HPCAL1: variants seen among roughly 807,000 people sequenced by gnomAD.
HPCAL1 encodes hippocalcin-like protein 1.
A neutral mutation model predicts 17.1 loss-of-function variants in HPCAL1; 8 were observed. The observed-to-expected ratio is 0.47, with a 90% CI of 0.27 to 0.84. HPCAL1 has a LOEUF of 0.84. Among genes scored for constraint, HPCAL1 ranks in the 40% least tolerant of loss-of-function variants. The pLI, the probability that HPCAL1 is intolerant of heterozygous loss-of-function variation, is 0.13. For synonymous variants in HPCAL1, 112 were observed against 111.4 expected (o/e 1.01, Z -0.03); for missense variants, 165 against 271.1 (o/e 0.61, Z 2.75).
At position 10,426,969 on chromosome 2, in the gene HPCAL1, C is replaced by A; in HGVS notation, c.*148C>A. Reference sequence around the variant, plus strand: ...TTGCACCTGCCCAGCCCGGTGGCTGCGCCTCCCTCCTCCACCTGACCAACG... The same window carrying A: ...TTGCACCTGCCCAGCCCGGTGGCTGAGCCTCCCTCCTCCACCTGACCAACG... On this transcript the variant is annotated 3_prime_UTR_variant, in exon 5 of 5. Coordinates refer to ENST00000307845, the MANE Select transcript of HPCAL1 (RefSeq NM_002149.4). The A allele has an allele frequency of 1.5e-6, 1 of 664,734 alleles. No individual in the cohort carries two copies. The highest frequency in any genetic ancestry group is 2.6e-6 in the Non-Finnish European group (1 of 378,678). The allele number at this position is 664,734 out of a possible 1,614,324, so 41.2% of individuals were successfully genotyped here. A position where few individuals can be genotyped will look rare whatever the true frequency, so the allele number is the denominator to read the frequency against.
At position 10,331,079 on chromosome 2, in the gene HPCAL1, G is replaced by T. The variant is rs1044987616; in HGVS notation, c.-111+27902G>T. Among the ~76,000 whole-genome samples the T allele has an allele frequency of 6.6e-6, 1 of 152,128 alleles. No homozygotes were observed. The highest frequency in any genetic ancestry group is 2.4e-5 in the African/African-American group (1 of 41,424). ...CGCTCCATCTCGTGGCCTCCCATCTGCTCTCCCGGCTGCAGGAGCGGTTTC... is the reference window on the plus strand; with the variant it reads ...CGCTCCATCTCGTGGCCTCCCATCTTCTCTCCCGGCTGCAGGAGCGGTTTC... On this transcript the variant is annotated intron_variant, in intron 1 of 4. Transcript: ENST00000307845. The surrounding 1 kb of genome is among the most constrained non-coding windows in gnomAD (Gnocchi z 5.0).
chr2:10,400,529 C>G (rs1004769471), intron 2 of HPCAL1, among the ~76,000 whole-genome samples: 4 of 152,196 alleles, frequency 2.6e-5, no homozygotes, highest in Non-Finnish European at 5.9e-5. Context: ...AGAGAGCCAT[C>G]TGAGCGGCCT....
intron 1 of HPCAL1, among the ~76,000 whole-genome samples, chr2:10,368,191 G>A (rs557480915): frequency 7.2e-5 from 11 of 152,134 alleles, no homozygotes; most frequent in Non-Finnish European, 1.6e-4. Flanking sequence ...TTGTGCATGT[G>A]TGTGCATACG....
At chr2:10,373,570 A>T (rs1304716987) in intron 1 of HPCAL1, among the ~76,000 whole-genome samples, 1 of 152,060 alleles carries the variant, frequency 6.6e-6, no homozygotes, top group Non-Finnish European at 1.5e-5. Context: ...CCCTGGGCTG[A>T]GGTTTTTTTT....
At chr2:10,389,171 G>C (rs1052498188) in intron 1 of HPCAL1, among the ~76,000 whole-genome samples, 1 of 152,128 alleles carries the variant, frequency 6.6e-6, no homozygotes, top group Non-Finnish European at 1.5e-5. Flanking sequence ...GCTCCTTTCC[G>C]TGGCAATCAT....
chr2:10,375,022 G>A (rs1334914171), intron 1 of HPCAL1, among the ~76,000 whole-genome samples: 1 of 152,172 alleles, frequency 6.6e-6, no homozygotes, highest in African/African-American at 2.4e-5. Flanking sequence ...GCAGAGAGCT[G>A]GGAGCCTGGA....
At chr2:10,355,699 T>C (rs574331260) in intron 1 of HPCAL1, among the ~76,000 whole-genome samples, 1 of 152,136 alleles carries the variant, frequency 6.6e-6, no homozygotes, top group African/African-American at 2.4e-5. Flanking sequence ...TCTTGCCCAC[T>C]GTCCAGGGCT....
At chr2:10,321,419 T>C (rs1164266189) in intron 1 of HPCAL1, among the ~76,000 whole-genome samples, 3 of 152,134 alleles carry the variant, frequency 2.0e-5, no homozygotes, top group African/African-American at 4.8e-5. Flanking sequence ...GATGCAGTTT[T>C]TTTTTTTCAG....
rs1304742991 is a variant in HPCAL1, at chr2:10,330,524, G to A, written c.-111+27347G>A. ...AGGCTGATGTCTGAGACAGGGTGGC[G>A]GCAGGGTTGGTGTCACCCGAGGCCT... On this transcript the variant is annotated intron_variant, in intron 1 of 4. Transcript: ENST00000307845. The surrounding 1 kb of genome is among the most constrained non-coding windows in gnomAD (Gnocchi z 4.2). Among the ~76,000 whole-genome samples the A allele has an allele frequency of 6.6e-6, 1 of 152,018 alleles. No homozygotes were observed. Among genetic ancestry groups the A allele is most frequent in the Admixed American group, 6.5e-5 (1 of 15,272 alleles).
intron 1 of HPCAL1, among the ~76,000 whole-genome samples, chr2:10,382,963 C>T (rs1042001101): frequency 2.0e-5 from 3 of 152,210 alleles, no homozygotes; most frequent in Non-Finnish European, 2.9e-5. Context: ...CTCGCTTGTG[C>T]ACCACTCTCC....
chr2:10,401,502 C>T (rs1277851491), intron 2 of HPCAL1, among the ~76,000 whole-genome samples: 1 of 152,058 alleles, frequency 6.6e-6, no homozygotes, highest in East Asian at 1.9e-4. Context: ...TGATGGGGCT[C>T]TCGGAGGGTG....
At chr2:10,372,738 A>C (rs11684791) in intron 1 of HPCAL1, among the ~76,000 whole-genome samples, 47,419 of 152,134 alleles carry the variant, frequency 0.31, 8,208 homozygotes, top group Non-Finnish European at 0.4. Flanking sequence ...TGCTCCTCAG[A>C]AGGGCATCAC....
At position 10,394,623 on chromosome 2, in the gene HPCAL1, G is replaced by T. The variant is rs1037784330; in HGVS notation, c.-110-2212G>T. Among the ~76,000 whole-genome samples the T allele has an allele frequency of 6.6e-6, 1 of 152,134 alleles. No homozygotes were observed. Among genetic ancestry groups the T allele is most frequent in the Non-Finnish European group, 1.5e-5 (1 of 68,022 alleles). On this transcript the variant is annotated intron_variant, in intron 1 of 4. Transcript: ENST00000307845. The surrounding 1 kb of genome is among the most constrained non-coding windows in gnomAD (Gnocchi z 5.0). ...CCACGCCAAGAGGGAACCCTAACGT[G>T]AGCTGCGGACCTGGGGGGTGATGAT...
rs180841946 is a variant in HPCAL1, at chr2:10,381,234, G to A, written c.-110-15601G>A. 6.0e-4 allele frequency among the ~76,000 whole-genome samples: 91 copies of A among 152,338 alleles called. 1 individual carries two copies. The highest frequency in any genetic ancestry group is 3.4e-3 in the Middle Eastern group (1 of 294). The stretch of plus-strand genomic sequence containing the variant: ...ATAGGCCCTTAGTCTAAGCAAGGAG[G>A]CATCTAAGCTCCTTAAAGATTCCAC... On this transcript the variant is annotated intron_variant, in intron 1 of 4. Transcript: ENST00000307845.
At chr2:10,386,543 G>T (rs1287416337) in intron 1 of HPCAL1, among the ~76,000 whole-genome samples, 1 of 152,142 alleles carries the variant, frequency 6.6e-6, no homozygotes, top group Admixed American at 6.5e-5. Context: ...GCCCTGGGAG[G>T]GGGTGAGGTT....
chr2:10,307,473 A>ACACCTGAGCTGTC (rs1297005780), intron 1 of HPCAL1, among the ~76,000 whole-genome samples: 1 of 152,168 alleles, frequency 6.6e-6, no homozygotes, highest in Non-Finnish European at 1.5e-5. Context: ...ATATAGATAT[A>ACACCTGAGCTGTC]CACCTGAGCT....
intron 1 of HPCAL1, among the ~76,000 whole-genome samples, chr2:10,386,631 G>A (rs1668327694): frequency 6.6e-6 from 1 of 152,182 alleles, no homozygotes; most frequent in Non-Finnish European, 1.5e-5. Flanking sequence ...GAGGACTCAG[G>A]TGGGTGTCAG....
intron 2 of HPCAL1, among the ~76,000 whole-genome samples, chr2:10,400,535 G>A (rs571566895): frequency 2.0e-5 from 3 of 152,292 alleles, no homozygotes; most frequent in South Asian, 2.1e-4. Context: ...CCATCTGAGC[G>A]GCCTTTCTGG....
At position 10,310,539 on chromosome 2, in the gene HPCAL1, ATTTTGGATTGTCCT is replaced by A. The variant is rs1315002903; in HGVS notation, c.-111+7363_-111+7376del. On this transcript the variant is annotated intron_variant, in intron 1 of 4. Transcript: ENST00000307845. This position sits in a 1 kb window ranked among gnomAD's most constrained non-coding sequence, Gnocchi z 4.5. ...ACTGCTTGGAGTTTGGGGAGCTGCCATTTTGGATTGTCCTAGCCTCATGCCTTCTGAGAAGCATC... is the reference window on the plus strand; with the variant it reads ...ACTGCTTGGAGTTTGGGGAGCTGCCAAGCCTCATGCCTTCTGAGAAGCATC... Among the ~76,000 whole-genome samples the A allele has an allele frequency of 6.6e-6, 1 of 152,050 alleles. No individual in the cohort carries two copies. Among genetic ancestry groups the A allele is most frequent in the African/African-American group, 2.4e-5 (1 of 41,402 alleles).
Sources: gnomAD v4.1 joint callset for allele counts (sites outside exome capture counted in the v4.1 genomes callset) on GRCh38, gnomAD v4.1.1 for gene constraint, Gnocchi (gnomAD v3.1) non-coding constraint, MANE v1.5 for transcripts, NCBI Gene and HGNC (gene_info 2026-07-23, HGNC 2026-07-21) for gene names.